Variants in HES7 observed in about 807,000 individuals in gnomAD.
HES7 encodes the protein hes family bHLH transcription factor 7.
A neutral mutation model predicts 18.0 loss-of-function variants in HES7; 8 were observed. That is an observed-to-expected ratio of 0.45 (90% CI 0.26 to 0.80). The LOEUF (loss-of-function observed/expected upper bound fraction) is 0.80, where lower values mean the gene tolerates loss of function less well. Among genes scored for constraint, HES7 ranks in the 30% least tolerant of loss-of-function variants. HES7 has a pLI of 0.18. For synonymous variants in HES7, 170 were observed against 158.6 expected (o/e 1.07, Z -0.54); for missense variants, 356 against 340.9 (o/e 1.04, Z -0.35).
chr17:8,122,123 C>G lies in HES7; in HGVS notation c.227-86G>C. 8.1e-7 allele frequency: 1 copy of G among 1,229,076 alleles called. No individual in the cohort carries two copies. Among genetic ancestry groups the G allele is most frequent in the South Asian group, 1.5e-5 (1 of 65,896 alleles). 76.1% of individuals were successfully genotyped at this position (1,229,076 alleles called of 1,614,324 possible). A position where few individuals can be genotyped will look rare whatever the true frequency, so the allele number is the denominator to read the frequency against. ...GGGCGGGGCGCAGAGATACCAAGGC[C>G]GGACAGGCGCACAGAGACAGGAAGC... On this transcript the variant is annotated intron_variant, in intron 3 of 3. Transcript: ENST00000541682. This position sits in a 1 kb window ranked among gnomAD's most constrained non-coding sequence, Gnocchi z 6.9.
upstream of HES7, among the ~76,000 whole-genome samples, chr17:8,125,626 T>G (rs1598234893): frequency 6.6e-6 from 1 of 152,176 alleles, no homozygotes; most frequent in African/African-American, 2.4e-5. Flanking sequence ...GAAGGATGAC[T>G]TGGCGCTCCA....
At position 8,121,701 on chromosome 17, in the gene HES7, C is replaced by A; in HGVS notation, c.563G>T (p.Arg188Leu). 7.5e-7 allele frequency: 1 copy of A among 1,331,186 alleles called. No individual in the cohort carries two copies. Among genetic ancestry groups the A allele is most frequent in the South Asian group, 2.0e-5 (1 of 49,194 alleles). 82.5% of individuals were successfully genotyped at this position (1,331,186 alleles called of 1,614,324 possible). ...CAWSPSLCSP[R>L]AGDSGAPAPL... ...CGCCGGCGCGCCAGAATCCCCGGCG[C>A]GCGGGGAGCAGAGGGATGGGGACCA... Residue 188 changes from arginine to leucine, a missense_variant, in exon 4 of 4, where the codon CGC becomes CTC. Physicochemically the swap from Arg to Leu is moderately radical, Grantham distance 102. Coordinates refer to ENST00000541682, the MANE Select transcript of HES7 (RefSeq NM_001165967.2).
Position 8,122,074 on chromosome 17 carries a change from G to A in HES7, c.227-37C>T. On this transcript the variant is annotated intron_variant, in intron 3 of 3. Coordinates refer to ENST00000541682, the MANE Select transcript of HES7 (RefSeq NM_001165967.2). The surrounding 1 kb of genome is among the most constrained non-coding windows in gnomAD (Gnocchi z 6.9). ...GGCGGGAGCACAGGTGGGCAGGGCA[G>A]GGGCCCGGCAGGGGTGAGGGAAGGG... The A allele has an allele frequency of 6.8e-7, 1 of 1,467,448 alleles. No homozygotes were observed. The highest frequency in any genetic ancestry group is 9.0e-7 in the Non-Finnish European group (1 of 1,115,442). The allele number at this position is 1,467,448 out of a possible 1,614,324, so 90.9% of individuals were successfully genotyped here. A position where few individuals can be genotyped will look rare whatever the true frequency, so the allele number is the denominator to read the frequency against.
At position 8,123,121 on chromosome 17, in the gene HES7, G is replaced by C; in HGVS notation, c.48C>G (p.Leu16=). 6.2e-7 allele frequency: 1 copy of C among 1,604,952 alleles called. No individual in the cohort carries two copies. The highest frequency in any genetic ancestry group is 8.5e-7 in the Non-Finnish European group (1 of 1,176,322). Residue 16 remains leucine, a synonymous_variant, in exon 2 of 4, where the codon CTC becomes CTG. Transcript: ENST00000541682. This position sits in a 1 kb window ranked among gnomAD's most constrained non-coding sequence, Gnocchi z 5.9. ...GGCGCCGCTTCTCCACAAGCGGCTT[G>C]AGCATCTGCGACCAGCGAGAAAAGG... ...RAENRDGPKM[L]KPLVEKRRRD...
Position 8,122,068 on chromosome 17 carries a change from A to C in HES7, c.227-31T>G. ...GCGGCCGGCGGGAGCACAGGTGGGC[A>C]GGGCAGGGGCCCGGCAGGGGTGAGG... On this transcript the variant is annotated intron_variant, in intron 3 of 3. Transcript: ENST00000541682. This position sits in a 1 kb window ranked among gnomAD's most constrained non-coding sequence, Gnocchi z 6.9. 4.1e-6 allele frequency: 6 copies of C among 1,471,158 alleles called. No homozygotes were observed. Among genetic ancestry groups the C allele is most frequent in the South Asian group, 1.3e-5 (1 of 75,398 alleles). The allele number at this position is 1,471,158 out of a possible 1,614,324, so 91.1% of individuals were successfully genotyped here.
Position 8,123,942 on chromosome 17 carries a change from T to A in HES7, c.42+101A>T. On this transcript the variant is annotated intron_variant, in intron 1 of 3. Transcript: ENST00000541682. The surrounding 1 kb of genome is among the most constrained non-coding windows in gnomAD (Gnocchi z 5.9). ...TGGAGTTCTGGAGCACCGCTCCCCT[T>A]CCACCCCTGCGTCCCCAGCCTCTCT... The A allele has an allele frequency of 7.5e-7, 1 of 1,334,518 alleles. No individual in the cohort carries two copies. Among genetic ancestry groups the A allele is most frequent in the Non-Finnish European group, 1.1e-6 (1 of 941,068 alleles). The allele number at this position is 1,334,518 out of a possible 1,614,324, so 82.7% of individuals were successfully genotyped here.
At chr17:8,125,807 G>C (rs1317237141), upstream of HES7, among the ~76,000 whole-genome samples, 1 of 152,166 alleles carries the variant, frequency 6.6e-6, no homozygotes, top group Non-Finnish European at 1.5e-5. Flanking sequence ...TTCGATTCCC[G>C]GCCAATGCAC....
Position 8,122,465 on chromosome 17 carries a change from G to C in HES7, c.139-35C>G. 2 of 1,428,504 alleles carry C rather than the reference G, an allele frequency of 1.4e-6. No individual in the cohort carries two copies. Among genetic ancestry groups the C allele is most frequent in the Non-Finnish European group, 9.7e-7 (1 of 1,034,098 alleles). The allele number at this position is 1,428,504 out of a possible 1,614,324, so 88.5% of individuals were successfully genotyped here. ...GGAGGGGAGGGCGCAGAGACAGAAA[G>C]GGGTGGGGAGAAAGGGGGAAAGTGG... On this transcript the variant is annotated intron_variant, in intron 2 of 3. Transcript: ENST00000541682. This position sits in a 1 kb window ranked among gnomAD's most constrained non-coding sequence, Gnocchi z 6.9.
rs1449352630 is a variant in HES7, at chr17:8,122,165, G to A, written c.227-128C>T. The A allele has an allele frequency of 3.0e-6, 3 of 987,648 alleles. No homozygotes were observed. In the East Asian group the frequency reaches 8.1e-5, roughly 27 times the overall value. The allele number at this position is 987,648 out of a possible 1,614,324, so 61.2% of individuals were successfully genotyped here. The stretch of plus-strand genomic sequence containing the variant: ...ACAGGAAGCCAGATGGACGGAAAGA[G>A]GGAGAAAATGAGGGAGACACAGAGA... On this transcript the variant is annotated intron_variant, in intron 3 of 3. Transcript: ENST00000541682. The surrounding 1 kb of genome is among the most constrained non-coding windows in gnomAD (Gnocchi z 6.9).
upstream of HES7, among the ~76,000 whole-genome samples, chr17:8,125,079 A>G (rs1981543252): frequency 6.6e-6 from 1 of 152,070 alleles, no homozygotes; most frequent in Non-Finnish European, 1.5e-5. Flanking sequence ...AAAAGGGATC[A>G]ACACCCACCT....
chr17:8,123,216 G>T lies in HES7; in HGVS notation c.43-90C>A. ...TCGGATCCCGCCGCTGGGAGAGCCC[G>T]GCTTCCACCCCGGCCACAAGACCCC... On this transcript the variant is annotated intron_variant, in intron 1 of 3. Transcript: ENST00000541682. The surrounding 1 kb of genome is among the most constrained non-coding windows in gnomAD (Gnocchi z 5.9). 2.0e-6 allele frequency: 2 copies of T among 1,017,194 alleles called. No homozygotes were observed. The highest frequency in any genetic ancestry group is 2.7e-5 in the South Asian group (2 of 73,270). The allele number at this position is 1,017,194 out of a possible 1,614,324, so 63.0% of individuals were successfully genotyped here.
chr17:8,121,594 C>T lies in HES7; in HGVS notation c.670G>A (p.Ala224Thr). 3 of 1,311,644 alleles carry T rather than the reference C, an allele frequency of 2.3e-6. No individual in the cohort carries two copies. The highest frequency in any genetic ancestry group is 2.9e-6 in the Non-Finnish European group (3 of 1,037,620). The allele number at this position is 1,311,644 out of a possible 1,614,324, so 81.3% of individuals were successfully genotyped here. A position where few individuals can be genotyped will look rare whatever the true frequency, so the allele number is the denominator to read the frequency against. ...GCTCAGGGCCAAGGTCTCCAGAAAG[C>T]GGGCGGCGGGGGCAGCGGGGCCTTG... Reference protein sequence around the residue: ...APKAPLPPPPAFWRPWP With the variant: ...APKAPLPPPPTFWRPWP Residue 224 changes from alanine to threonine, a missense_variant, in exon 4 of 4, where the codon GCT (alanine) becomes ACT (threonine). By Grantham distance (58) the Ala-to-Thr change is moderately conservative (BLOSUM62 0). Coordinates refer to ENST00000541682, the MANE Select transcript of HES7 (RefSeq NM_001165967.2).
upstream of HES7, among the ~76,000 whole-genome samples, chr17:8,125,664 C>G (rs1981567335): frequency 6.6e-6 from 1 of 152,144 alleles, no homozygotes; most frequent in Non-Finnish European, 1.5e-5. Context: ...GGACCACTTC[C>G]CTGGCCTACA....
chr17:8,121,425 T>A lies in HES7; in HGVS notation c.*146A>T. 2.0e-6 allele frequency: 1 copy of A among 497,012 alleles called. No individual in the cohort carries two copies. The highest frequency in any genetic ancestry group is 3.2e-6 in the Non-Finnish European group (1 of 311,140). The allele number at this position is 497,012 out of a possible 1,614,324, so 30.8% of individuals were successfully genotyped here. A position where few individuals can be genotyped will look rare whatever the true frequency, so the allele number is the denominator to read the frequency against. ...ATATATTTATATAGATACTCTAATA[T>A]AGACCACATCTCACCCGCGCGCTGA... On this transcript the variant is annotated 3_prime_UTR_variant, in exon 4 of 4. Transcript: ENST00000541682.
At position 8,122,559 on chromosome 17, in the gene HES7, C is replaced by A; in HGVS notation, c.139-129G>T. On this transcript the variant is annotated intron_variant, in intron 2 of 3. Coordinates refer to ENST00000541682, the MANE Select transcript of HES7 (RefSeq NM_001165967.2). This position sits in a 1 kb window ranked among gnomAD's most constrained non-coding sequence, Gnocchi z 6.9. ...CCCGATCGCATTTGCGCACTGCCCACAGAACGCGCGACCAAATGCGGAGTG... is the reference window on the plus strand; with the variant it reads ...CCCGATCGCATTTGCGCACTGCCCAAAGAACGCGCGACCAAATGCGGAGTG... 1.4e-6 allele frequency: 1 copy of A among 701,470 alleles called. No individual in the cohort carries two copies. 43.5% of individuals were successfully genotyped at this position (701,470 alleles called of 1,614,324 possible).
In HES7 at chr17:8,121,541, C is replaced by T. The variant is rs1010525340; in HGVS notation, c.*30G>A. The stretch of plus-strand genomic sequence containing the variant: ...TCGGGCTGGAGTCTCTACCCCACCC[C>T]TAGACCCCGCCCCCACCACCCCCCA... On this transcript the variant is annotated 3_prime_UTR_variant, in exon 4 of 4. Transcript: ENST00000541682. The T allele has an allele frequency of 1.5e-6, 2 of 1,297,272 alleles. No homozygotes were observed. The highest frequency in any genetic ancestry group is 1.9e-6 in the Non-Finnish European group (2 of 1,028,920). The allele number at this position is 1,297,272 out of a possible 1,614,324, so 80.4% of individuals were successfully genotyped here. A position where few individuals can be genotyped will look rare whatever the true frequency, so the allele number is the denominator to read the frequency against.
upstream of HES7, chr17:8,124,232 A>G (rs1388102096): frequency 4.2e-6 from 4 of 948,168 alleles, no homozygotes; most frequent in Admixed American, 6.0e-5. Flanking sequence ...GCTCCCGGAA[A>G]GAGGAGGAGT....
chr17:8,125,833 T>C (rs970167794), upstream of HES7, among the ~76,000 whole-genome samples: 1 of 152,220 alleles, frequency 6.6e-6, no homozygotes, highest in Non-Finnish European at 1.5e-5. Flanking sequence ...CAGTTTTCTT[T>C]TCTCCCCTCC....
chr17:8,123,528 C>G lies in HES7; in HGVS notation c.43-402G>C, dbSNP rs950814517. 1.6e-5 allele frequency: 5 copies of G among 318,956 alleles called. No homozygotes were observed. The highest frequency in any genetic ancestry group is 2.4e-5 in the Non-Finnish European group (4 of 170,036). The allele number at this position is 318,956 out of a possible 1,614,324, so 19.8% of individuals were successfully genotyped here. Reference sequence around the variant, plus strand: ...GCCCTGAGTATAGAAAGGGAGATACCTAGCGCGACCGCGCCGCCTCTTTTC... The same window carrying G: ...GCCCTGAGTATAGAAAGGGAGATACGTAGCGCGACCGCGCCGCCTCTTTTC... On this transcript the variant is annotated intron_variant, in intron 1 of 3. Transcript: ENST00000541682. The surrounding 1 kb of genome is among the most constrained non-coding windows in gnomAD (Gnocchi z 5.9).
Sources: allele counts gnomAD v4.1 joint callset (sites outside exome capture counted in the v4.1 genomes callset), GRCh38; gene constraint gnomAD v4.1.1; non-coding constraint Gnocchi (gnomAD v3.1); transcripts MANE v1.5; gene names NCBI Gene and HGNC (gene_info 2026-07-23, HGNC 2026-07-21).